RANBP17: variants seen among roughly 807,000 people sequenced by gnomAD.
The protein encoded by RANBP17 is ran-binding protein 17.
A neutral mutation model predicts 141.2 loss-of-function variants in RANBP17; 158 were observed. That is an observed-to-expected ratio of 1.12 (90% confidence interval 0.98 to 1.28). RANBP17 has a LOEUF of 1.28. RANBP17 is among the 50% of genes most tolerant of loss of function. The pLI, the probability that RANBP17 is intolerant of heterozygous loss-of-function variation, is 0.00. For missense variants in RANBP17, 1,438 were observed against 1,290.7 expected (o/e 1.11, Z -1.75); for synonymous variants, 430 against 450.0 (o/e 0.96, Z 0.56).
At chr5:171,020,687 C>G (rs576708350) in intron 14 of RANBP17, among the ~76,000 whole-genome samples, 2 of 151,836 alleles carry the variant, frequency 1.3e-5, no homozygotes, top group South Asian at 4.2e-4. Context: ...TGAGACGGGT[C>G]TCCTGAATAC....
intron 22 of RANBP17, among the ~76,000 whole-genome samples, chr5:171,226,501 A>G (rs1763886683): frequency 6.6e-6 from 1 of 152,224 alleles, no homozygotes; most frequent in Non-Finnish European, 1.5e-5. Context: ...TAAGCAGTGT[A>G]TGCTCTGGGT....
intron 14 of RANBP17, among the ~76,000 whole-genome samples, chr5:171,041,403 T>C (rs554128330): frequency 6.6e-6 from 1 of 152,268 alleles, no homozygotes; most frequent in Non-Finnish European, 1.5e-5. Context: ...ATACAAAATA[T>C]ACATAATTTA....
At chr5:170,930,897 G>A (rs1027596950) in intron 12 of RANBP17, among the ~76,000 whole-genome samples, 10 of 152,110 alleles carry the variant, frequency 6.6e-5, no homozygotes, top group Non-Finnish European at 7.4e-5. Context: ...TTATAGCGGT[G>A]TGATTTATAA....
intron 14 of RANBP17, among the ~76,000 whole-genome samples, chr5:171,050,775 GT>G (rs1782904874): frequency 6.6e-6 from 1 of 152,044 alleles, no homozygotes; most frequent in East Asian, 1.9e-4. Context: ...GATAGTCCAA[GT>G]TTTCCCCTCA....
At chr5:170,864,159 A>G (rs1561835815) in intron 1 of RANBP17, among the ~76,000 whole-genome samples, 1 of 152,174 alleles carries the variant, frequency 6.6e-6, no homozygotes. Context: ...TGACTTGCCC[A>G]ACGTTACAGA....
chr5:171,213,776 T>G (rs1219093462), intron 21 of RANBP17, 38 bp downstream of exon 21: 2 of 1,422,656 alleles, frequency 1.4e-6, no homozygotes, highest in Non-Finnish European at 2.0e-6. Flanking sequence ...AACAGTCTAC[T>G]ATTAGCGGAA....
chr5:170,914,178 C>A lies in RANBP17; in HGVS notation c.772C>A (p.Pro258Thr), dbSNP rs767387360. Residue 258 changes from proline to threonine, a missense_variant, in exon 8 of 28, where the codon CCA becomes ACA. By Grantham distance (38) the Pro-to-Thr change is conservative. Transcript: ENST00000523189. ...PTTWRTIFLE[P>T]ETLDLFFNLY... is the part of the protein sequence containing the mutation. ...ATTTTTTTTCCCAGTTTTCCTGGAA[C>A]CAGAAACATTGGATCTTTTCTTCAA... The A allele has an allele frequency of 6.8e-6, 11 of 1,606,840 alleles. No homozygotes were observed. In the Admixed American group the frequency reaches 1.5e-4, roughly 22 times the overall value.
At chr5:171,269,781 G>GT (rs1766975955) in intron 25 of RANBP17, among the ~76,000 whole-genome samples, 1 of 152,156 alleles carries the variant, frequency 6.6e-6, no homozygotes, top group Non-Finnish European at 1.5e-5. Flanking sequence ...ATAACTTGAG[G>GT]TTTCAGTTTT....
At chr5:170,953,341 A>G (rs181339334) in intron 12 of RANBP17, among the ~76,000 whole-genome samples, 1 of 152,282 alleles carries the variant, frequency 6.6e-6, no homozygotes, top group Admixed American at 6.5e-5. Flanking sequence ...TAAGTAACTT[A>G]TGCAAGATCA....
At chr5:171,186,219 C>T (rs1266740838) in intron 18 of RANBP17, among the ~76,000 whole-genome samples, 1 of 152,180 alleles carries the variant, frequency 6.6e-6, no homozygotes, top group Non-Finnish European at 1.5e-5. Context: ...TCCTAGATGG[C>T]ATCTTCTTCC....
rs750304051 is a variant in RANBP17 at position 170,916,501 on chromosome 5, A to G, written c.871A>G (p.Arg291Gly). 1.3e-6 allele frequency: 2 copies of G among 1,575,058 alleles called. No homozygotes were observed. The highest frequency in any genetic ancestry group is 2.7e-5 in the African/African-American group (2 of 73,634). ...TTTAGTTCAGTTTGCTTCGACAAGA[A>G]GGTCCTTATTTAACAGTCCTGAACG... is the stretch of plus-strand genomic sequence containing the variant. ...SCLVQFASTR[R>G]SLFNSPERAK... Residue 291 changes from arginine (R) to glycine (G), a missense_variant, in exon 9 of 28, where the codon AGG becomes GGG. Arg to Gly is a moderately radical substitution (Grantham distance 125). Coordinates refer to ENST00000523189, the MANE Select transcript of RANBP17 (RefSeq NM_022897.5).
At chr5:171,014,856 A>T (rs1024071327) in intron 14 of RANBP17, among the ~76,000 whole-genome samples, 1 of 152,026 alleles carries the variant, frequency 6.6e-6, no homozygotes, top group African/African-American at 2.4e-5. Context: ...TTAATGACAG[A>T]TTCTTTCAGC....
chr5:171,058,709 T>C (rs889887804), intron 14 of RANBP17, among the ~76,000 whole-genome samples: 1 of 150,992 alleles, frequency 6.6e-6, no homozygotes, highest in Non-Finnish European at 1.5e-5. Flanking sequence ...ATGATATTTC[T>C]AGTTCTAGAT....
At chr5:171,083,155 G>A (rs1561633278) in intron 14 of RANBP17, among the ~76,000 whole-genome samples, 1 of 152,044 alleles carries the variant, frequency 6.6e-6, no homozygotes, top group African/African-American at 2.4e-5. Context: ...TTTTGCATTG[G>A]TTACTGTCAT....
chr5:170,974,145 A>G (rs1279712861), intron 14 of RANBP17, among the ~76,000 whole-genome samples: 1 of 152,202 alleles, frequency 6.6e-6, no homozygotes, highest in Non-Finnish European at 1.5e-5. Flanking sequence ...CTAGAGTCTC[A>G]TGTAAATATC....
chr5:170,884,504 G>T (rs1028841133), intron 3 of RANBP17, among the ~76,000 whole-genome samples: 3 of 151,900 alleles, frequency 2.0e-5, no homozygotes, highest in Admixed American at 6.6e-5. Context: ...AATGGAAGTG[G>T]ATCATCATAA....
chr5:171,184,915 C>T (rs954792983), intron 18 of RANBP17, among the ~76,000 whole-genome samples: 1 of 152,132 alleles, frequency 6.6e-6, no homozygotes, highest in African/African-American at 2.4e-5. Flanking sequence ...GTAATCCCAG[C>T]ACTTTGGGAG....
At chr5:170,995,865 A>AT (rs1269916398) in intron 14 of RANBP17, among the ~76,000 whole-genome samples, 3 of 152,138 alleles carry the variant, frequency 2.0e-5, no homozygotes, top group African/African-American at 7.2e-5. Flanking sequence ...AAGAAAATAC[A>AT]TTTAAATGTT....
At chr5:171,022,340 T>A (rs372391431) in intron 14 of RANBP17, among the ~76,000 whole-genome samples, 2 of 152,202 alleles carry the variant, frequency 1.3e-5, no homozygotes, top group Admixed American at 6.5e-5. Flanking sequence ...TGTGCTTCAC[T>A]GGGGGAAACC....
Sources: allele counts gnomAD v4.1 joint callset (sites outside exome capture counted in the v4.1 genomes callset), GRCh38; gene constraint gnomAD v4.1.1; transcripts MANE v1.5; gene names NCBI Gene and HGNC (gene_info 2026-07-23, HGNC 2026-07-21).